The following SPIRE1 variants were observed in gnomAD, a reference collection of about 807,000 sequenced individuals.
SPIRE1 encodes the protein spire type actin nucleation factor 1.
Under a neutral mutation model 94.1 loss-of-function variants are expected in SPIRE1, and 40 were observed. The observed-to-expected ratio is 0.43, with a 90% CI of 0.33 to 0.55. The LOEUF is 0.55. Among genes scored for constraint, SPIRE1 ranks in the 20% least tolerant of loss-of-function variants. SPIRE1 has a pLI of 0.06. For missense variants in SPIRE1, 838 were observed against 975.2 expected (o/e 0.86, Z 1.87); for synonymous variants, 376 against 371.7 (o/e 1.01, Z -0.13).
chr18:12,449,480 A>T lies in SPIRE1; in HGVS notation c.*158T>A. 1.4e-6 allele frequency: 1 copy of T among 733,780 alleles called. No individual in the cohort carries two copies. The allele number at this position is 733,780 out of a possible 1,614,324, so 45.5% of individuals were successfully genotyped here. On this transcript the variant is annotated 3_prime_UTR_variant, in exon 17 of 17. Transcript: ENST00000409402. ...ACGTTTCATCAATCGATACGAACACAGCATTCAGTCTGTGGAACAATGTGA... is the reference window on the plus strand; with the variant it reads ...ACGTTTCATCAATCGATACGAACACTGCATTCAGTCTGTGGAACAATGTGA...
intron 12 of SPIRE1, among the ~76,000 whole-genome samples, chr18:12,462,284 A>T (rs899635230): frequency 1.3e-5 from 2 of 152,152 alleles, no homozygotes; most frequent in African/African-American, 4.8e-5. Context: ...TTTAATTGAA[A>T]CTCTAATAAT....
intron 10 of SPIRE1, among the ~76,000 whole-genome samples, 163 bp downstream of exon 10, chr18:12,479,533 CTAT>C (rs1237392555): frequency 6.6e-6 from 1 of 152,102 alleles, no homozygotes; most frequent in African/African-American, 2.4e-5. Context: ...AGAAAGTAAT[CTAT>C]TATTTAATTT....
intron 7 of SPIRE1, among the ~76,000 whole-genome samples, chr18:12,493,421 C>T (rs552560447): frequency 6.6e-6 from 1 of 152,170 alleles, no homozygotes; most frequent in South Asian, 2.1e-4. Flanking sequence ...TATTTTATTG[C>T]TTACAGGAGG....
intron 12 of SPIRE1, among the ~76,000 whole-genome samples, chr18:12,460,502 C>G (rs2143575961): frequency 6.6e-6 from 1 of 152,324 alleles, no homozygotes; most frequent in African/African-American, 2.4e-5. Flanking sequence ...CACCTGAGGT[C>G]AGGAGTTCGA....
At chr18:12,583,494 C>T (rs781750665) in intron 2 of SPIRE1, among the ~76,000 whole-genome samples, 5 of 151,816 alleles carry the variant, frequency 3.3e-5, no homozygotes, top group African/African-American at 4.8e-5. Flanking sequence ...CCCAGCTACT[C>T]GGGAGGCTGA....
chr18:12,464,993 AG>A (rs769279916), intron 10 of SPIRE1, 35 bp from the exon 11 acceptor site: 55 of 1,584,674 alleles, frequency 3.5e-5, no homozygotes, highest in Non-Finnish European at 4.8e-5. Context: ...TCGACTTCTT[AG>A]ACATTTGTGC....
chr18:12,575,683 TGCATCTGCA>T (rs1156496602), intron 2 of SPIRE1, among the ~76,000 whole-genome samples: 1 of 152,230 alleles, frequency 6.6e-6, no homozygotes, highest in African/African-American at 2.4e-5. Flanking sequence ...CATATGTATT[TGCATCTGCA>T]TAAGAGTTAC....
At chr18:12,614,426 T>C (rs2037226843) in intron 2 of SPIRE1, among the ~76,000 whole-genome samples, 1 of 152,176 alleles carries the variant, frequency 6.6e-6, no homozygotes, top group South Asian at 2.1e-4. Flanking sequence ...CCAAACAAAA[T>C]AGCTCCTTCC....
Position 12,593,289 on chromosome 18 carries a change from G to A in SPIRE1, c.372+41773C>T, listed in dbSNP as rs560923171. The stretch of plus-strand genomic sequence containing the variant: ...ATTATCACTTAACTATCAATAAAGG[G>A]CAACATATTAAGGAATTTAAATAGC... On this transcript the variant is annotated intron_variant, in intron 2 of 16. Coordinates refer to ENST00000409402, the MANE Select transcript of SPIRE1 (RefSeq NM_001128626.2). 2.8e-4 allele frequency among the ~76,000 whole-genome samples: 43 copies of A among 152,170 alleles called. No homozygotes were observed. The South Asian group carries it at 3.5e-3, about 12-fold the overall frequency.
intron 9 of SPIRE1, among the ~76,000 whole-genome samples, chr18:12,480,515 A>G (rs2032798962): frequency 6.6e-6 from 1 of 152,198 alleles, no homozygotes; most frequent in Non-Finnish European, 1.5e-5. Context: ...TGAGGATACT[A>G]ACAGACGTGG....
At position 12,550,008 on chromosome 18, in the gene SPIRE1, C is replaced by T. The variant is rs546399179; in HGVS notation, c.373-3104G>A. Among the ~76,000 whole-genome samples, 21 of 152,318 alleles carry T rather than the reference C, an allele frequency of 1.4e-4. No individual in the cohort carries two copies. The South Asian group carries it at 4.1e-3, about 30-fold the overall frequency. ...TTTCTCTTTAATCCAACACTCTTTT[C>T]TGCCTCTCTAGGGCTCAGCTCCAAA... On this transcript the variant is annotated intron_variant, in intron 2 of 16. Coordinates refer to ENST00000409402, the MANE Select transcript of SPIRE1 (RefSeq NM_001128626.2).
chr18:12,648,150 TAAG>T (rs1310814121), intron 1 of SPIRE1, among the ~76,000 whole-genome samples: 2 of 152,152 alleles, frequency 1.3e-5, no homozygotes, highest in Non-Finnish European at 2.9e-5. Context: ...AAAATAACTC[TAAG>T]AAGATATTCA....
intron 9 of SPIRE1, among the ~76,000 whole-genome samples, chr18:12,485,512 T>C (rs986920366): frequency 6.6e-6 from 1 of 152,230 alleles, no homozygotes; most frequent in Non-Finnish European, 1.5e-5. Flanking sequence ...GGTGCTGTCA[T>C]CTGAAGTAGA....
chr18:12,542,039 T>C (rs957032411), intron 3 of SPIRE1, among the ~76,000 whole-genome samples: 1 of 151,846 alleles, frequency 6.6e-6, no homozygotes, highest in East Asian at 1.9e-4. Context: ...TGCACTGGCA[T>C]GATCTCGGCT....
intron 2 of SPIRE1, among the ~76,000 whole-genome samples, chr18:12,627,529 T>C (rs1157644320): frequency 1.3e-5 from 2 of 152,216 alleles, no homozygotes; most frequent in South Asian, 4.1e-4. Flanking sequence ...TATGTGTGCA[T>C]GTGTCTTTAT....
In SPIRE1 at chr18:12,485,106, C is replaced by CTT. The variant is rs71371264; in HGVS notation, c.1231+851_1231+852dup. 3.8e-3 allele frequency among the ~76,000 whole-genome samples: 503 copies of CTT among 133,864 alleles called. 12 individuals are homozygous for CTT. In the South Asian group the frequency reaches 0.043, roughly 11 times the overall value. The allele number at this position is 133,864 out of a possible 152,430, so 87.8% of individuals were successfully genotyped here. On this transcript the variant is annotated intron_variant, in intron 9 of 16. Transcript: ENST00000409402. The stretch of plus-strand genomic sequence containing the variant: ...TACAATGCTCTTGTATTTTTATACT[C>CTT]TTTTTTTTTTTTTTTTGAGACTGAG...
intron 2 of SPIRE1, among the ~76,000 whole-genome samples, chr18:12,590,356 T>C (rs985021147): frequency 1.3e-5 from 2 of 152,096 alleles, no homozygotes; most frequent in African/African-American, 2.4e-5. Flanking sequence ...TCCCAAAGTG[T>C]TGGGATTACA....
At chr18:12,618,642 C>T (rs138908557) in intron 2 of SPIRE1, among the ~76,000 whole-genome samples, 57 of 152,102 alleles carry the variant, frequency 3.7e-4, no homozygotes, top group African/African-American at 1.3e-3. Flanking sequence ...AAACAAAAAC[C>T]GCTCCAAATT....
chr18:12,643,529 A>G (rs985023259), intron 1 of SPIRE1, among the ~76,000 whole-genome samples: 1 of 152,184 alleles, frequency 6.6e-6, no homozygotes, highest in African/African-American at 2.4e-5. Flanking sequence ...AACCTAGCCA[A>G]CAAGAGCCCT....
Sources: gnomAD v4.1 joint callset for allele counts (sites outside exome capture counted in the v4.1 genomes callset) on GRCh38, gnomAD v4.1.1 for gene constraint, MANE v1.5 for transcripts, NCBI Gene and HGNC (gene_info 2026-07-23, HGNC 2026-07-21) for gene names.